PTPRD: variants seen among roughly 807,000 people sequenced by gnomAD.
The protein encoded by PTPRD is protein tyrosine phosphatase receptor type D.
PTPRD carries 34 observed loss-of-function variants against 214.5 expected under a neutral mutation model. That is an observed-to-expected ratio of 0.16 (90% CI 0.12 to 0.21). PTPRD has a LOEUF of 0.21. PTPRD is among the 10% of genes least tolerant of loss of function. The pLI, the probability that PTPRD is intolerant of heterozygous loss-of-function variation, is 1.00. For missense variants in PTPRD, 2,545 were observed against 2,398.7 expected (o/e 1.06, Z -1.27); for synonymous variants, 1,128 against 845.7 (o/e 1.33, Z -5.79).
chr9:9,215,418 A>G (rs910040749), intron 9 of PTPRD, among the ~76,000 whole-genome samples: 1 of 152,202 alleles, frequency 6.6e-6, no homozygotes, highest in Admixed American at 6.6e-5. Context: ...CCTACCACAC[A>G]GAATTGCTAT....
rs549280925 is a variant in PTPRD, at chr9:9,352,018, G to A, written c.-203+45431C>T. On this transcript the variant is annotated intron_variant, in intron 9 of 45. Coordinates refer to ENST00000381196, the MANE Select transcript of PTPRD (RefSeq NM_002839.4). ...AAATAAAAGAATACTATATTGTTCA[G>A]GCTGGTCCCAAACTCTTAGCCCCAA... Among the ~76,000 whole-genome samples the A allele has an allele frequency of 9.3e-4, 141 of 151,912 alleles. 1 individual carries two copies. The highest frequency in any genetic ancestry group is 3.4e-3 in the Middle Eastern group (1 of 294).
Position 10,191,716 on chromosome 9 carries a change from T to G in PTPRD, c.-545+149247A>C, listed in dbSNP as rs182342229. Among the ~76,000 whole-genome samples the G allele has an allele frequency of 1.3e-3, 191 of 152,290 alleles. 6 individuals carry two copies. In the South Asian group the frequency reaches 0.037, roughly 29 times the overall value. On this transcript the variant is annotated intron_variant, in intron 3 of 45. Transcript: ENST00000381196. ...TCCACTTCCTCTGATAATCTTTCTATGATTTCCCCAGGCTCTCAGTGACTT... is the reference window on the plus strand; with the variant it reads ...TCCACTTCCTCTGATAATCTTTCTAGGATTTCCCCAGGCTCTCAGTGACTT...
chr9:9,460,770 C>T (rs1462723252), intron 8 of PTPRD, among the ~76,000 whole-genome samples: 1 of 151,918 alleles, frequency 6.6e-6, no homozygotes, highest in Non-Finnish European at 1.5e-5. Flanking sequence ...ATGGATGATT[C>T]TAAAACAAAT....
intron 8 of PTPRD, among the ~76,000 whole-genome samples, chr9:9,428,176 T>C (rs1199939067): frequency 6.6e-6 from 1 of 152,032 alleles, no homozygotes; most frequent in Non-Finnish European, 1.5e-5. Context: ...CCATCTCACG[T>C]GCAGAGACAC....
chr9:10,428,696 C>A (rs1242567932), intron 2 of PTPRD, among the ~76,000 whole-genome samples: 1 of 152,006 alleles, frequency 6.6e-6, no homozygotes, highest in African/African-American at 2.4e-5. Context: ...ATCTGCTTAG[C>A]CAAATATCTC....
At chr9:9,348,496 G>T (rs1334135486) in intron 9 of PTPRD, among the ~76,000 whole-genome samples, 1 of 152,104 alleles carries the variant, frequency 6.6e-6, no homozygotes, top group Admixed American at 6.6e-5. Flanking sequence ...TTGAAAGAGT[G>T]GGCAAGTATG....
At chr9:9,942,206 C>T (rs1056535337) in intron 4 of PTPRD, among the ~76,000 whole-genome samples, 1 of 152,084 alleles carries the variant, frequency 6.6e-6, no homozygotes, top group Non-Finnish European at 1.5e-5. Flanking sequence ...CAAACGAATA[C>T]AACCATACAT....
At chr9:10,547,916 T>C (rs1371264227) in intron 2 of PTPRD, among the ~76,000 whole-genome samples, 1 of 152,106 alleles carries the variant, frequency 6.6e-6, no homozygotes, top group African/African-American at 2.4e-5. Flanking sequence ...AGTTGCATGG[T>C]AATTTCAGTA....
intron 12 of PTPRD, among the ~76,000 whole-genome samples, chr9:8,663,491 T>C (rs2097107150): frequency 6.6e-6 from 1 of 152,052 alleles, no homozygotes; most frequent in Admixed American, 6.5e-5. Context: ...GTATTTTTGT[T>C]GTTGTTATTT....
chr9:9,500,075 A>G (rs1162282055), intron 8 of PTPRD, among the ~76,000 whole-genome samples: 1 of 152,104 alleles, frequency 6.6e-6, no homozygotes, highest in African/African-American at 2.4e-5. Context: ...ATGGGCTGTA[A>G]AAAACTGCCA....
At chr9:8,700,443 T>G (rs970017426) in intron 12 of PTPRD, among the ~76,000 whole-genome samples, 1 of 152,230 alleles carries the variant, frequency 6.6e-6, no homozygotes, top group African/African-American at 2.4e-5. Context: ...CTACAAAAAG[T>G]GTTATTCAAT....
rs572065875 is a variant in PTPRD at position 9,156,821 on chromosome 9, A to T, written c.-143+26483T>A. ...GAAAACAACACCTGATTTTTGATCA[A>T]TTTGGCTGGTAAGTGTTACTCATCG... is the stretch of plus-strand genomic sequence containing the variant. On this transcript the variant is annotated intron_variant, in intron 10 of 45. Coordinates refer to ENST00000381196, the MANE Select transcript of PTPRD (RefSeq NM_002839.4). Among the ~76,000 whole-genome samples, 3 of 152,294 alleles carry T rather than the reference A, an allele frequency of 2.0e-5. No individual in the cohort carries two copies. The East Asian group carries it at 5.8e-4, about 29-fold the overall frequency.
intron 12 of PTPRD, among the ~76,000 whole-genome samples, chr9:8,677,908 T>C (rs904651877): frequency 8.5e-5 from 13 of 152,184 alleles, no homozygotes; most frequent in African/African-American, 2.4e-4. Context: ...AGCAGTTATT[T>C]TGATCTGTGG....
chr9:8,590,015 G>A (rs575898422), intron 14 of PTPRD, among the ~76,000 whole-genome samples: 6 of 152,196 alleles, frequency 3.9e-5, no homozygotes, highest in African/African-American at 1.2e-4. Flanking sequence ...GATTTCTGGG[G>A]TTATGAACGT....
intron 14 of PTPRD, among the ~76,000 whole-genome samples, chr9:8,604,666 G>A (rs150844193): frequency 1.2e-3 from 181 of 152,248 alleles, no homozygotes; most frequent in African/African-American, 4.2e-3. Flanking sequence ...AATATAGCAT[G>A]AAAAGAGGAG....
At chr9:9,268,169 C>T (rs1306476979) in intron 9 of PTPRD, among the ~76,000 whole-genome samples, 2 of 150,954 alleles carry the variant, frequency 1.3e-5, no homozygotes, top group East Asian at 2.0e-4. Context: ...AGTGAAGTCG[C>T]AGGATAAAAA....
chr9:8,901,118 C>T (rs2098665399), intron 11 of PTPRD, among the ~76,000 whole-genome samples: 1 of 152,108 alleles, frequency 6.6e-6, no homozygotes, highest in Non-Finnish European at 1.5e-5. Context: ...ACACAAGGAA[C>T]AGAAAAAGGA....
At chr9:10,380,710 A>G (rs567051892) in intron 2 of PTPRD, among the ~76,000 whole-genome samples, 1 of 152,170 alleles carries the variant, frequency 6.6e-6, no homozygotes, top group Admixed American at 6.5e-5. Flanking sequence ...ACGTTTGTAA[A>G]TTGAAATATG....
At chr9:10,570,124 G>A (rs555206865) in intron 2 of PTPRD, among the ~76,000 whole-genome samples, 2 of 152,210 alleles carry the variant, frequency 1.3e-5, no homozygotes, top group East Asian at 3.9e-4. Flanking sequence ...TAAGGAGACT[G>A]TTCATGGGTC....
Sources: allele counts gnomAD v4.1 joint callset (sites outside exome capture counted in the v4.1 genomes callset), GRCh38; gene constraint gnomAD v4.1.1; transcripts MANE v1.5; gene names NCBI Gene and HGNC (gene_info 2026-07-23, HGNC 2026-07-21).